ENDOD1: variants seen among roughly 807,000 people sequenced by gnomAD.
ENDOD1 encodes the protein endonuclease domain-containing 1 protein.
ENDOD1 carries 9 observed loss-of-function variants against 6.5 expected under a neutral mutation model. The observed-to-expected ratio is 1.39, with a 90% CI of 0.84 to 2.43. ENDOD1 has a LOEUF of 2.43. Ranked by LOEUF, ENDOD1 falls within the 30% of genes most tolerant of loss-of-function variation. The pLI is 0.00. For missense variants in ENDOD1, 648 were observed against 635.5 expected, an observed-to-expected ratio of 1.02 and a Z score of -0.21; for synonymous variants, 255 against 255.2, an observed-to-expected ratio of 1.00 and a Z score of 0.01.
chr11:95,115,967 T>C (rs1859204748), intron 1 of ENDOD1, among the ~76,000 whole-genome samples: 2 of 152,164 alleles, frequency 1.3e-5, no homozygotes, highest in Non-Finnish European at 2.9e-5. Flanking sequence ...GATGTGTCTT[T>C]ATCTGGTTTT....
At position 95,129,715 on chromosome 11, in the gene ENDOD1, A is replaced by G. The variant is rs888586061; in HGVS notation, c.*136A>G. The G allele has an allele frequency of 1.1e-6, 1 of 878,230 alleles. No homozygotes were observed. Among genetic ancestry groups the G allele is most frequent in the African/African-American group, 1.7e-5 (1 of 59,174 alleles). The allele number at this position is 878,230 out of a possible 1,614,324, so 54.4% of individuals were successfully genotyped here. ...GGGGATGTCTGCTTGTTTTTGCAAA[A>G]GAAGATGGCAGAATTTAGACTTGAC... On this transcript the variant is annotated 3_prime_UTR_variant, in exon 2 of 2. Transcript: ENST00000278505.
intron 1 of ENDOD1, among the ~76,000 whole-genome samples, chr11:95,106,221 G>A (rs113592250): frequency 4.9e-4 from 74 of 152,308 alleles, no homozygotes; most frequent in African/African-American, 1.7e-3. Flanking sequence ...GGAAGACAAA[G>A]GATGGACACC....
chr11:95,128,670 C>T lies in ENDOD1; in HGVS notation c.594C>T (p.Ile198=), dbSNP rs984873321. The T allele has an allele frequency of 1.9e-6, 3 of 1,614,166 alleles. No individual in the cohort carries two copies. The African/African-American group carries it at 4.0e-5, about 22-fold the overall frequency. ...PQCGSGEDLY[I]LTGTVPSDYR... is the part of the protein sequence containing the mutation. ...GTGGCAGTGGGGAAGACCTATATAT[C>T]CTCACAGGCACAGTGCCCTCAGACT... Residue 198 remains isoleucine (I), a synonymous_variant, in exon 2 of 2, where the codon ATC becomes ATT. Coordinates refer to ENST00000278505, the MANE Select transcript of ENDOD1 (RefSeq NM_015036.3).
Position 95,130,362 on chromosome 11 carries a change from C to T in ENDOD1, c.*783C>T, listed in dbSNP as rs938927508. The T allele has an allele frequency of 2.0e-5, 3 of 151,330 alleles. No individual in the cohort carries two copies. Among genetic ancestry groups the T allele is most frequent in the African/African-American group, 7.3e-5 (3 of 41,198 alleles). The allele number at this position is 151,330 out of a possible 1,614,324, so 9.4% of individuals were successfully genotyped here. ...GCCCCTTGAATGGTATAATACAGTC[C>T]TCTCCGGTGGAAAGAAGAGAAGAGA... On this transcript the variant is annotated 3_prime_UTR_variant, in exon 2 of 2. Coordinates refer to ENST00000278505, the MANE Select transcript of ENDOD1 (RefSeq NM_015036.3).
At chr11:95,125,523 A>G (rs1362150868) in intron 1 of ENDOD1, among the ~76,000 whole-genome samples, 2 of 152,008 alleles carry the variant, frequency 1.3e-5, no homozygotes, top group Non-Finnish European at 2.9e-5. Flanking sequence ...TACATGTGCC[A>G]TGTTGGTGTG....
chr11:95,108,935 C>T (rs781943741), intron 1 of ENDOD1, among the ~76,000 whole-genome samples: 3 of 152,172 alleles, frequency 2.0e-5, no homozygotes, highest in Admixed American at 6.5e-5. Flanking sequence ...GCTGCACCCA[C>T]GATCTTTTCT....
At chr11:95,118,099 A>T (rs1240835161) in intron 1 of ENDOD1, among the ~76,000 whole-genome samples, 4 of 152,078 alleles carry the variant, frequency 2.6e-5, no homozygotes, top group Non-Finnish European at 5.9e-5. Flanking sequence ...TATTGTTTCT[A>T]TTTATATCTT....
chr11:95,126,380 T>G lies in ENDOD1; in HGVS notation c.301-1997T>G, dbSNP rs76197581. On this transcript the variant is annotated intron_variant, in intron 1 of 1. Transcript: ENST00000278505. Reference sequence around the variant, plus strand: ...TTTAGGGAATCAGTTAACAAGAATTTACTCATTTTAATTAGGTTTGTATTT... The same window carrying G: ...TTTAGGGAATCAGTTAACAAGAATTGACTCATTTTAATTAGGTTTGTATTT... Among the ~76,000 whole-genome samples, 209 of 152,296 alleles carry G rather than the reference T, an allele frequency of 1.4e-3. 4 individuals are homozygous for G. In the East Asian group the frequency reaches 0.038, roughly 27 times the overall value.
intron 1 of ENDOD1, among the ~76,000 whole-genome samples, chr11:95,103,100 G>GGGGGGTGT (rs1491376570): frequency 2.1e-3 from 179 of 85,612 alleles, no homozygotes; most frequent in Middle Eastern, 0.019. Context: ...AGGCAGAGTG[G>GGGGGGTGT]GTGTGTGTGT....
At chr11:95,113,870 A>T (rs1859174990) in intron 1 of ENDOD1, among the ~76,000 whole-genome samples, 1 of 152,134 alleles carries the variant, frequency 6.6e-6, no homozygotes. Context: ...TGGTTGTACT[A>T]ATTTACTTTC....
At chr11:95,128,265 G>A (rs111622269) in intron 1 of ENDOD1, 112 bp from the exon 2 acceptor site, 10 of 1,277,788 alleles carry the variant, frequency 7.8e-6, no homozygotes, top group East Asian at 7.0e-5. Flanking sequence ...AAACTCAAGC[G>A]TTTGAAGTAA....
In ENDOD1 at chr11:95,129,549, G is replaced by T; in HGVS notation, c.1473G>T (p.Lys491Asn). Residue 491 changes from lysine to asparagine, a missense_variant, in exon 2 of 2, where the codon AAG becomes AAT. Lys to Asn is a moderately conservative substitution (Grantham distance 94). Transcript: ENST00000278505. ...VFSVCKRIGYKVTFDNSGEL is the reference protein window; with the variant it reads ...VFSVCKRIGYNVTFDNSGEL ...GTGTCTGCAAGCGGATTGGCTACAA[G>T]GTTACTTTTGACAATTCTGGGGAGT... is the stretch of plus-strand genomic sequence containing the variant. 1 of 1,613,488 alleles carries T rather than the reference G, an allele frequency of 6.2e-7. No individual in the cohort carries two copies. Among genetic ancestry groups the T allele is most frequent in the African/African-American group, 1.3e-5 (1 of 74,994 alleles).
intron 1 of ENDOD1, among the ~76,000 whole-genome samples, chr11:95,096,794 AG>A (rs1190408165): frequency 6.6e-6 from 1 of 152,052 alleles, no homozygotes; most frequent in Non-Finnish European, 1.5e-5. Context: ...GAAAGAGAGC[AG>A]TGGTTACAGA....
In ENDOD1 at chr11:95,114,323, G is replaced by A. The variant is rs1164782099; in HGVS notation, c.301-14054G>A. On this transcript the variant is annotated intron_variant, in intron 1 of 1. Coordinates refer to ENST00000278505, the MANE Select transcript of ENDOD1 (RefSeq NM_015036.3). ...GGGGTTTCACTATGTCGCCCAGGCTGATTGCCCATTTTTAAATTGGATTAT... is the reference window on the plus strand; with the variant it reads ...GGGGTTTCACTATGTCGCCCAGGCTAATTGCCCATTTTTAAATTGGATTAT... 2.0e-5 allele frequency among the ~76,000 whole-genome samples: 3 copies of A among 147,656 alleles called. No homozygotes were observed. The East Asian group carries it at 5.8e-4, about 28-fold the overall frequency.
intron 1 of ENDOD1, among the ~76,000 whole-genome samples, chr11:95,101,033 A>T (rs1859035374): frequency 6.6e-6 from 1 of 152,100 alleles, no homozygotes; most frequent in African/African-American, 2.4e-5. Flanking sequence ...AGTTCCCTGA[A>T]GGCAGGGGCC....
At chr11:95,099,111 G>A (rs1859013461) in intron 1 of ENDOD1, among the ~76,000 whole-genome samples, 2 of 152,140 alleles carry the variant, frequency 1.3e-5, no homozygotes, top group East Asian at 3.9e-4. Context: ...GGCCGAGGGT[G>A]CTCTGCCCCC....
chr11:95,091,978 C>G (rs563332883), intron 1 of ENDOD1, among the ~76,000 whole-genome samples: 1 of 152,200 alleles, frequency 6.6e-6, no homozygotes, highest in Non-Finnish European at 1.5e-5. Flanking sequence ...CACATGAGTA[C>G]TAAGTACTAG....
At chr11:95,108,527 A>G (rs1859114644) in intron 1 of ENDOD1, among the ~76,000 whole-genome samples, 1 of 149,440 alleles carries the variant, frequency 6.7e-6, no homozygotes, top group Non-Finnish European at 1.5e-5. Flanking sequence ...ACACACACAC[A>G]GACACCCAAA....
intron 1 of ENDOD1, among the ~76,000 whole-genome samples, chr11:95,102,601 G>T (rs1178680254): frequency 1.3e-5 from 2 of 152,212 alleles, no homozygotes; most frequent in African/African-American, 4.8e-5. Context: ...GAGCCTGGGA[G>T]ACAGAGGTTG....
Sources: gnomAD v4.1 joint callset for allele counts (sites outside exome capture counted in the v4.1 genomes callset) on GRCh38, gnomAD v4.1.1 for gene constraint, MANE v1.5 for transcripts, NCBI Gene and HGNC (gene_info 2026-07-23, HGNC 2026-07-21) for gene names.